UGP2: variants seen among roughly 807,000 people sequenced by gnomAD.
UGP2 encodes the protein UTP--glucose-1-phosphate uridylyltransferase.
In UGP2, 40 loss-of-function variants were observed where a neutral mutation model predicts 49.0. That is an observed-to-expected ratio of 0.82 (90% CI 0.63 to 1.06). The LOEUF (loss-of-function observed/expected upper bound fraction) is 1.06, where lower values mean the gene tolerates loss of function less well. UGP2 is among the 50% of genes least tolerant of loss of function. UGP2 has a pLI of 0.00. For synonymous variants in UGP2, 225 were observed against 213.0 expected, an observed-to-expected ratio of 1.06 and a Z score of -0.49; for missense variants, 460 against 603.5, an observed-to-expected ratio of 0.76 and a Z score of 2.49.
intron 3 of UGP2, among the ~76,000 whole-genome samples, chr2:63,878,171 T>C (rs1671052379): frequency 6.6e-6 from 1 of 152,190 alleles, no homozygotes; most frequent in Non-Finnish European, 1.5e-5. Flanking sequence ...AAACAGCCTA[T>C]ATAAAATGTA....
chr2:63,856,574 A>G, intron 2 of UGP2, 141 bp downstream of exon 2: 1 of 939,492 alleles, frequency 1.1e-6, no homozygotes, highest in Non-Finnish European at 1.6e-6. Context: ...AAAAATTAGA[A>G]TTGCTTAACA....
At chr2:63,887,199 A>C (rs892210760) in intron 7 of UGP2, among the ~76,000 whole-genome samples, 2 of 151,678 alleles carry the variant, frequency 1.3e-5, no homozygotes, top group African/African-American at 4.9e-5. Flanking sequence ...AGGAGGGCAG[A>C]GGCTACAGTG....
chr2:63,841,707 C>T (rs1482953112), upstream of UGP2: 1 of 154,414 alleles, frequency 6.5e-6, no homozygotes, highest in Non-Finnish European at 1.4e-5. Flanking sequence ...CGCTGTTAAC[C>T]GGGGTTTTCG....
chr2:63,845,559 C>G (rs546557941), intron 1 of UGP2, among the ~76,000 whole-genome samples: 99 of 148,026 alleles, frequency 6.7e-4, no homozygotes, highest in Non-Finnish European at 1.3e-3. Flanking sequence ...GGCAAGGTAA[C>G]GTTTGGACAA....
chr2:63,872,700 AGGAAACAG>A (rs1670637957), intron 3 of UGP2, among the ~76,000 whole-genome samples: 1 of 151,978 alleles, frequency 6.6e-6, no homozygotes. Context: ...CGGGTCACGG[AGGAAACAG>A]CAACTACATA....
At chr2:63,855,517 TC>T in intron 1 of UGP2, 3 of 281,992 alleles carry the variant, frequency 1.1e-5, no homozygotes, top group Admixed American at 6.9e-5. Flanking sequence ...TGTTTCTTTT[TC>T]TGTTTTTTTT....
Position 63,887,509 on chromosome 2 carries a change from G to A in UGP2, c.1179G>A (p.Leu393=). The A allele has an allele frequency of 1.2e-6, 2 of 1,614,002 alleles. No individual in the cohort carries two copies. The highest frequency in any genetic ancestry group is 1.7e-6 in the Non-Finnish European group (2 of 1,180,012). Residue 393 remains leucine, a synonymous_variant, in exon 8 of 10, where the codon CTG becomes CTA. Coordinates refer to ENST00000337130, the MANE Select transcript of UGP2 (RefSeq NM_006759.4). ...LGINVPRSRF[L]PVKTTSDLLL... is the part of the protein sequence containing the mutation. Reference sequence around the variant, plus strand: ...TTAATGTGCCAAGGAGCCGTTTTCTGCCTGTCAAAACCACATCAGATCTCT... The same window carrying A: ...TTAATGTGCCAAGGAGCCGTTTTCTACCTGTCAAAACCACATCAGATCTCT...
At chr2:63,877,722 G>A (rs903002567) in intron 3 of UGP2, among the ~76,000 whole-genome samples, 3 of 151,774 alleles carry the variant, frequency 2.0e-5, no homozygotes, top group South Asian at 4.2e-4. Flanking sequence ...GGCCGGGCGC[G>A]GTGGCTCACG....
Position 63,884,010 on chromosome 2 carries a change from T to G in UGP2, c.492T>G (p.Ser164=). 1 of 1,613,312 alleles carries G rather than the reference T, an allele frequency of 6.2e-7. No homozygotes were observed. The highest frequency in any genetic ancestry group is 8.5e-7 in the Non-Finnish European group (1 of 1,179,786). The change falls in exon 5 of 10, where the codon TCT becomes TCG. Residue 164 remains serine (S), a synonymous_variant. Coordinates refer to ENST00000337130, the MANE Select transcript of UGP2 (RefSeq NM_006759.4). ...NTDVPLVLMN[S]FNTDEDTKKI... ...ATGTTCCTCTTGTTTTAATGAACTC[T>G]TTTAACACGGATGAAGATACCAAAA...
At chr2:63,889,685 A>G (rs1671947040) in intron 8 of UGP2, 1 of 156,698 alleles carries the variant, frequency 6.4e-6, no homozygotes, top group African/African-American at 2.4e-5. Flanking sequence ...AATGTGCTCT[A>G]ATTTTTCAGA....
chr2:63,883,018 C>T (rs1309851234), intron 4 of UGP2, among the ~76,000 whole-genome samples: 1 of 152,156 alleles, frequency 6.6e-6, no homozygotes, highest in Non-Finnish European at 1.5e-5. Flanking sequence ...TATTTGGCTG[C>T]AGGTCATGCA....
At chr2:63,878,850 G>A (rs1671105391) in intron 3 of UGP2, among the ~76,000 whole-genome samples, 1 of 152,148 alleles carries the variant, frequency 6.6e-6, no homozygotes, top group Admixed American at 6.5e-5. Context: ...ACAGATGTGA[G>A]CCCTTGCATC....
intron 1 of UGP2, among the ~76,000 whole-genome samples, chr2:63,853,613 G>T (rs1461848801): frequency 6.6e-6 from 1 of 152,130 alleles, no homozygotes; most frequent in Non-Finnish European, 1.5e-5. Flanking sequence ...TTTTTCCATG[G>T]CCTGTGCATT....
At chr2:63,887,316 TC>T in intron 7 of UGP2, 85 bp from the exon 8 acceptor site, 7 of 1,529,292 alleles carry the variant, frequency 4.6e-6, no homozygotes, top group Non-Finnish European at 6.2e-6. Flanking sequence ...TGAAATCACT[TC>T]CCAAATATTA....
At chr2:63,841,085 C>A (rs978137297), upstream of UGP2, 12 of 152,178 alleles carry the variant, frequency 7.9e-5, no homozygotes, top group Admixed American at 2.6e-4. Context: ...AGCTGGGCTG[C>A]GACCGTTAGG....
intron 9 of UGP2, among the ~76,000 whole-genome samples, chr2:63,890,871 G>C (rs1575866944): frequency 6.6e-6 from 1 of 152,216 alleles, no homozygotes. Flanking sequence ...TGTGGCACCG[G>C]GTCCACTTCC....
chr2:63,884,806 G>A (rs1671546789), intron 5 of UGP2, among the ~76,000 whole-genome samples: 1 of 151,976 alleles, frequency 6.6e-6, no homozygotes, highest in South Asian at 2.1e-4. Context: ...CTACTTGGGA[G>A]GCTGAGGTGG....
chr2:63,887,449 G>A lies in UGP2; in HGVS notation c.1119G>A (p.Gly373=), dbSNP rs913788064. The A allele has an allele frequency of 6.2e-7, 1 of 1,613,796 alleles. No individual in the cohort carries two copies. Among genetic ancestry groups the A allele is most frequent in the Non-Finnish European group, 8.5e-7 (1 of 1,179,992 alleles). The change falls in exon 8 of 10, where the codon GGG becomes GGA. Residue 373 remains glycine (G), a synonymous_variant. Transcript: ENST00000337130. ...LNVIQLETAV[G]AAIKSFENSL... is the part of the protein sequence containing the mutation. The stretch of plus-strand genomic sequence containing the variant: ...TCATTCAATTAGAAACTGCAGTAGG[G>A]GCTGCCATCAAAAGTTTTGAGAATT...
Position 63,842,111 on chromosome 2 carries a change from A to C in UGP2, c.-75A>C. The C allele has an allele frequency of 6.5e-7, 1 of 1,527,396 alleles. No individual in the cohort carries two copies. Among genetic ancestry groups the C allele is most frequent in the Non-Finnish European group, 8.7e-7 (1 of 1,142,998 alleles). The allele number at this position is 1,527,396 out of a possible 1,614,324, so 94.6% of individuals were successfully genotyped here. A position where few individuals can be genotyped will look rare whatever the true frequency, so the allele number is the denominator to read the frequency against. ...CATCGGTTGTTAAAGCAGGAGAGGA[A>C]GAGAGACCTGCCCTGTAGCGTGACT... On this transcript the variant is annotated 5_prime_UTR_variant, in exon 1 of 10. Coordinates refer to ENST00000337130, the MANE Select transcript of UGP2 (RefSeq NM_006759.4).
Sources: allele counts gnomAD v4.1 joint callset (sites outside exome capture counted in the v4.1 genomes callset), GRCh38; gene constraint gnomAD v4.1.1; transcripts MANE v1.5; gene names NCBI Gene and HGNC (gene_info 2026-07-23, HGNC 2026-07-21).